Variants in RGMA observed in about 807,000 individuals in gnomAD.
The protein encoded by RGMA is repulsive guidance molecule A.
A neutral mutation model predicts 23.2 loss-of-function variants in RGMA; 10 were observed. That is an observed-to-expected ratio of 0.43 (90% CI 0.27 to 0.73). The LOEUF is 0.73. Ranked by LOEUF, RGMA falls within the 30% of genes least tolerant of loss-of-function variation. The pLI is 0.20. For missense variants in RGMA, 547 were observed against 630.5 expected (o/e 0.87, Z 1.42); for synonymous variants, 308 against 279.3 (o/e 1.10, Z -1.03).
intron 3 of RGMA, among the ~76,000 whole-genome samples, chr15:93,050,056 G>A (rs1039500892): frequency 1.2e-4 from 19 of 152,350 alleles, no homozygotes; most frequent in African/African-American, 4.3e-4. Context: ...CTGTGCTTCA[G>A]GGGCGAGCTT....
At chr15:93,054,252 A>G (rs1181812809) in intron 2 of RGMA, among the ~76,000 whole-genome samples, 1 of 147,584 alleles carries the variant, frequency 6.8e-6, no homozygotes, top group Non-Finnish European at 1.5e-5. Context: ...AAAAAAATTG[A>G]TGGAAGAGCT....
intron 1 of RGMA, among the ~76,000 whole-genome samples, chr15:93,080,569 T>A (rs1895543064): frequency 6.6e-6 from 1 of 152,162 alleles, no homozygotes. Flanking sequence ...TCGTTTTCTC[T>A]CTGCCTCTAC....
At chr15:93,049,955 C>T (rs1364230868) in intron 3 of RGMA, among the ~76,000 whole-genome samples, 1 of 152,204 alleles carries the variant, frequency 6.6e-6, no homozygotes, top group Non-Finnish European at 1.5e-5. Flanking sequence ...AAGTCCCTTG[C>T]CTTTCCCTGC....
intron 2 of RGMA, among the ~76,000 whole-genome samples, chr15:93,054,478 G>T (rs561896682): frequency 1.4e-5 from 2 of 139,024 alleles, no homozygotes; most frequent in Non-Finnish European, 3.3e-5. Flanking sequence ...TGTTCTGGTG[G>T]TAGTGAATAA....
chr15:93,059,518 C>A (rs568078568), intron 2 of RGMA, among the ~76,000 whole-genome samples: 10 of 152,174 alleles, frequency 6.6e-5, no homozygotes, highest in Non-Finnish European at 1.0e-4. Flanking sequence ...CCAGCTGGGA[C>A]CAGAATAAAG....
Position 93,073,043 on chromosome 15 carries a change from G to C in RGMA, c.15-12C>G. On this transcript the variant is annotated splice_polypyrimidine_tract_variant and intron_variant, in intron 1 of 3. Coordinates refer to ENST00000329082, the MANE Select transcript of RGMA (RefSeq NM_020211.3). The stretch of plus-strand genomic sequence containing the variant: ...CCACTAGCCTCTCCCTGGAAGAAGA[G>C]TTCAGAAAAAAAGAAGAAAATAAAT... 1 of 1,529,282 alleles carries C rather than the reference G, an allele frequency of 6.5e-7. No homozygotes were observed. The highest frequency in any genetic ancestry group is 8.7e-7 in the Non-Finnish European group (1 of 1,145,010). 94.7% of individuals were successfully genotyped at this position (1,529,282 alleles called of 1,614,324 possible).
chr15:93,073,479 G>T, intron 1 of RGMA: 1 of 1,164,930 alleles, frequency 8.6e-7, no homozygotes, highest in Non-Finnish European at 1.2e-6. Flanking sequence ...AGGGCATGAG[G>T]CGGGGCAGGA....
At chr15:93,051,715 C>T (rs1223684864) in intron 3 of RGMA, among the ~76,000 whole-genome samples, 1 of 152,196 alleles carries the variant, frequency 6.6e-6, no homozygotes, top group African/African-American at 2.4e-5. Flanking sequence ...TTCCAGCTGA[C>T]TACGCACTTG....
At chr15:93,083,596 T>C (rs926925465) in intron 1 of RGMA, among the ~76,000 whole-genome samples, 15 of 152,200 alleles carry the variant, frequency 9.9e-5, no homozygotes, top group Admixed American at 6.5e-4. Flanking sequence ...CCCAAAGTGC[T>C]GGAATTATAA....
intron 2 of RGMA, among the ~76,000 whole-genome samples, chr15:93,055,139 T>C (rs997843486): frequency 1.3e-5 from 2 of 152,128 alleles, no homozygotes; most frequent in Admixed American, 6.6e-5. Context: ...ATCATGCAGA[T>C]GTGGGTGTCA....
chr15:93,073,616 A>T lies in RGMA; in HGVS notation c.15-585T>A, dbSNP rs1425473191. 9.1e-6 allele frequency: 14 copies of T among 1,536,826 alleles called. 1 individual carries two copies. In the South Asian group the frequency reaches 1.7e-4, roughly 18 times the overall value. ...TTCCACCGACGCCCCCTGGCTCATC[A>T]GTCGCACTCAGACGCGACACCGGTG... On this transcript the variant is annotated intron_variant, in intron 1 of 3. Coordinates refer to ENST00000329082, the MANE Select transcript of RGMA (RefSeq NM_020211.3).
chr15:93,071,180 T>C (rs1292506231), intron 2 of RGMA, among the ~76,000 whole-genome samples: 1 of 152,222 alleles, frequency 6.6e-6, no homozygotes, highest in East Asian at 1.9e-4. Flanking sequence ...TGATAAAACT[T>C]CCAATGGGCT....
At chr15:93,080,619 A>G (rs1328350872) in intron 1 of RGMA, among the ~76,000 whole-genome samples, 1 of 151,768 alleles carries the variant, frequency 6.6e-6, no homozygotes, top group African/African-American at 2.4e-5. Context: ...AGAAGCAACG[A>G]CTCCCTCTGT....
intron 2 of RGMA, among the ~76,000 whole-genome samples, chr15:93,071,445 TACCA>T (rs985484196): frequency 3.3e-5 from 5 of 152,178 alleles, no homozygotes; most frequent in African/African-American, 9.6e-5. Context: ...TTTTTGGGGA[TACCA>T]AGATCCCTCA....
At chr15:93,073,429 C>G in intron 1 of RGMA, 1 of 807,398 alleles carries the variant, frequency 1.2e-6, no homozygotes, top group Non-Finnish European at 1.9e-6. Context: ...CAGCCCGCGG[C>G]TGTCCTTGCA....
At position 93,045,049 on chromosome 15, in the gene RGMA, G is replaced by A. The variant is rs768076367; in HGVS notation, c.1302C>T (p.Pro434=). ...GGAGCGGGACGAGGGCGCCCAGGAG[G>A]GGCCGGGGGGCCAGGGGCAGCCCCG... ...AAAGLPLAPR[P]LLGALVPLLA... is the part of the protein sequence containing the mutation. Residue 434 remains proline, a synonymous_variant, in exon 4 of 4, where the codon CCC becomes CCT. Coordinates refer to ENST00000329082, the MANE Select transcript of RGMA (RefSeq NM_020211.3). The surrounding 1 kb of genome is among the most constrained non-coding windows in gnomAD (Gnocchi z 6.9). 1.3e-6 allele frequency: 2 copies of A among 1,577,388 alleles called. No individual in the cohort carries two copies. The highest frequency in any genetic ancestry group is 4.7e-5 in the East Asian group (2 of 42,918).
At chr15:93,048,970 G>A (rs531336653) in intron 3 of RGMA, among the ~76,000 whole-genome samples, 5 of 152,196 alleles carry the variant, frequency 3.3e-5, no homozygotes, top group East Asian at 1.9e-4. Context: ...GGCTGGTTTC[G>A]CTCTAACCAC....
At chr15:93,087,763 C>A (rs909951947) in intron 1 of RGMA, among the ~76,000 whole-genome samples, 2 of 152,154 alleles carry the variant, frequency 1.3e-5, no homozygotes, top group Non-Finnish European at 2.9e-5. Context: ...GAGTCTAAAA[C>A]CAAACAGAGA....
At chr15:93,060,773 C>G (rs77939712) in intron 2 of RGMA, among the ~76,000 whole-genome samples, 82,286 of 151,462 alleles carry the variant, frequency 0.54, 22,705 homozygotes, top group East Asian at 0.82. Flanking sequence ...GTTTATGCAG[C>G]AGGACATCTC....
Sources: gnomAD v4.1 joint callset for allele counts (sites outside exome capture counted in the v4.1 genomes callset) on GRCh38, gnomAD v4.1.1 for gene constraint, Gnocchi (gnomAD v3.1) non-coding constraint, MANE v1.5 for transcripts, NCBI Gene and HGNC (gene_info 2026-07-23, HGNC 2026-07-21) for gene names.